TIE1: variants seen among roughly 807,000 people sequenced by gnomAD.
TIE1 encodes the protein tyrosine kinase with immunoglobulin like and EGF like domains 1.
A neutral mutation model predicts 130.5 loss-of-function variants in TIE1; 89 were observed. The observed-to-expected ratio is 0.68, with a 90% CI of 0.57 to 0.81. The LOEUF is 0.81. Ranked by LOEUF, TIE1 falls within the 40% of genes least tolerant of loss-of-function variation. The pLI is 0.00. For missense variants in TIE1, 1,392 were observed against 1,559.8 expected (o/e 0.89, Z 1.81); for synonymous variants, 568 against 629.4 (o/e 0.90, Z 1.46).
chr1:43,306,737 C>A lies in TIE1; in HGVS notation c.485-103C>A. ...GTGGTGCCGGCCCTAGGTCTCATCACTGTGCATGGGGCTCATTGATGTGAG... is the reference window on the plus strand; with the variant it reads ...GTGGTGCCGGCCCTAGGTCTCATCAATGTGCATGGGGCTCATTGATGTGAG... On this transcript the variant is annotated intron_variant, in intron 3 of 22. Coordinates refer to ENST00000372476, the MANE Select transcript of TIE1 (RefSeq NM_005424.5). The surrounding 1 kb of genome is among the most constrained non-coding windows in gnomAD (Gnocchi z 4.9). 7.1e-7 allele frequency: 1 copy of A among 1,412,272 alleles called. No individual in the cohort carries two copies. Among genetic ancestry groups the A allele is most frequent in the Non-Finnish European group, 9.5e-7 (1 of 1,048,202 alleles). 87.5% of individuals were successfully genotyped at this position (1,412,272 alleles called of 1,614,324 possible). A position where few individuals can be genotyped will look rare whatever the true frequency, so the allele number is the denominator to read the frequency against.
rs1646748792 is a variant in TIE1, at chr1:43,308,036, G to C, written c.1042+112G>C. On this transcript the variant is annotated intron_variant, in intron 7 of 22. Coordinates refer to ENST00000372476, the MANE Select transcript of TIE1 (RefSeq NM_005424.5). ...CTTTCCCTACGAGGGTCCAAGTCCT[G>C]CCCTCAGGGAGCTTAGAGTCTGATG... 3.4e-6 allele frequency: 5 copies of C among 1,472,436 alleles called. No individual in the cohort carries two copies. In the East Asian group the frequency reaches 1.2e-4, roughly 35 times the overall value. The allele number at this position is 1,472,436 out of a possible 1,614,324, so 91.2% of individuals were successfully genotyped here. A position where few individuals can be genotyped will look rare whatever the true frequency, so the allele number is the denominator to read the frequency against.
chr1:43,301,138 C>T lies in TIE1; in HGVS notation c.58+9C>T, dbSNP rs1308267563. On this transcript the variant is annotated intron_variant, in intron 1 of 22. Transcript: ENST00000372476. ...CTTGGCTTCTCATGTGGGTAAGTCT[C>T]CCCTGAGTCCCTCACCCCATTTCTA... The T allele has an allele frequency of 1.9e-6, 3 of 1,611,404 alleles. No homozygotes were observed. The highest frequency in any genetic ancestry group is 2.5e-6 in the Non-Finnish European group (3 of 1,178,876).
chr1:43,322,100 G>T lies in TIE1; in HGVS notation c.3345+385G>T, dbSNP rs145106552. Among the ~76,000 whole-genome samples the T allele has an allele frequency of 1.3e-5, 2 of 152,340 alleles. No individual in the cohort carries two copies. The highest frequency in any genetic ancestry group is 3.9e-4 in the East Asian group (2 of 5,188). Reference sequence around the variant, plus strand: ...TAACCAGATGGATGGATGGGTGAATGAGTGATACAGTAACCGTATGAATGA... The same window carrying T: ...TAACCAGATGGATGGATGGGTGAATTAGTGATACAGTAACCGTATGAATGA... On this transcript the variant is annotated intron_variant, in intron 22 of 22. Coordinates refer to ENST00000372476, the MANE Select transcript of TIE1 (RefSeq NM_005424.5). This position sits in a 1 kb window ranked among gnomAD's most constrained non-coding sequence, Gnocchi z 4.0.
At position 43,307,409 on chromosome 1, in the gene TIE1, C is replaced by T; in HGVS notation, c.773-23C>T. 3.1e-6 allele frequency: 5 copies of T among 1,613,720 alleles called. No homozygotes were observed. Among genetic ancestry groups the T allele is most frequent in the Non-Finnish European group, 3.4e-6 (4 of 1,179,862 alleles). ...GCCCAGGGGCCCACAGAGGCCCATACACCCCACACACTCTCTTTCTAGCCT... is the reference window on the plus strand; with the variant it reads ...GCCCAGGGGCCCACAGAGGCCCATATACCCCACACACTCTCTTTCTAGCCT... On this transcript the variant is annotated intron_variant, in intron 5 of 22. Coordinates refer to ENST00000372476, the MANE Select transcript of TIE1 (RefSeq NM_005424.5). The surrounding 1 kb of genome is among the most constrained non-coding windows in gnomAD (Gnocchi z 5.4).
Position 43,319,128 on chromosome 1 carries a change from G to A in TIE1, c.2923-107G>A. ...TTGCAGCCAGGAGGGTAGGAGTATG[G>A]GGTATTGAAGGTAACAAGGGTACCC... On this transcript the variant is annotated intron_variant, in intron 17 of 22. Coordinates refer to ENST00000372476, the MANE Select transcript of TIE1 (RefSeq NM_005424.5). This position sits in a 1 kb window ranked among gnomAD's most constrained non-coding sequence, Gnocchi z 4.7. 1 of 772,072 alleles carries A rather than the reference G, an allele frequency of 1.3e-6. No individual in the cohort carries two copies. The highest frequency in any genetic ancestry group is 1.9e-5 in the Admixed American group (1 of 51,306). 47.8% of individuals were successfully genotyped at this position (772,072 alleles called of 1,614,324 possible). A position where few individuals can be genotyped will look rare whatever the true frequency, so the allele number is the denominator to read the frequency against.
chr1:43,304,286 C>T (rs1027966179), intron 1 of TIE1, among the ~76,000 whole-genome samples: 1 of 152,200 alleles, frequency 6.6e-6, no homozygotes, highest in Non-Finnish European at 1.5e-5. Context: ...CAGCCTCTCC[C>T]ACCTCAAATC....
intron 9 of TIE1, among the ~76,000 whole-genome samples, chr1:43,311,262 C>G (rs1364970247): frequency 6.7e-6 from 1 of 149,668 alleles, no homozygotes; most frequent in African/African-American, 2.5e-5. Flanking sequence ...AAGCGTGTGG[C>G]GGGGAGCAGG....
At chr1:43,310,515 ATTG>A (rs1342413484) in intron 9 of TIE1, among the ~76,000 whole-genome samples, 1 of 152,150 alleles carries the variant, frequency 6.6e-6, no homozygotes, top group African/African-American at 2.4e-5. Flanking sequence ...GTCGATAATT[ATTG>A]TTATTATTTA....
Position 43,312,010 on chromosome 1 carries a change from C to T in TIE1, c.1509C>T (p.Asn503=), listed in dbSNP as rs550712048. The change falls in exon 11 of 23, where the codon AAC becomes AAT. Residue 503 remains asparagine (N), a synonymous_variant. Transcript: ENST00000372476. The surrounding 1 kb of genome is among the most constrained non-coding windows in gnomAD (Gnocchi z 5.6). ...WSTIVVDPSE[N]VTLMNLRPKT... ...CACGCCCAGTGGACCCCAGTGAGAA[C>T]GTGACGTTAATGAACCTGAGGCCAA... The T allele has an allele frequency of 1.5e-5, 24 of 1,596,292 alleles. No individual in the cohort carries two copies. Among genetic ancestry groups the T allele is most frequent in the East Asian group, 2.2e-5 (1 of 44,580 alleles).
In TIE1 at chr1:43,322,718, C is replaced by A; in HGVS notation, c.3413C>A (p.Ala1138Asp). ...GGCATTGATGCCACAGCTGAGGAGG[C>A]CTGAGCTGCCATCCAGCCAGAACGT... Reference protein sequence around the residue: ...YAGIDATAEEA With the variant: ...YAGIDATAEED Residue 1138 changes from alanine (A) to aspartate (D), a missense_variant, in exon 23 of 23, where the codon GCC (alanine) becomes GAC (aspartate). Physicochemically the swap from Ala to Asp is moderately radical, Grantham distance 126. Coordinates refer to ENST00000372476, the MANE Select transcript of TIE1 (RefSeq NM_005424.5). This position sits in a 1 kb window ranked among gnomAD's most constrained non-coding sequence, Gnocchi z 4.0. 3.1e-6 allele frequency: 5 copies of A among 1,613,712 alleles called. No individual in the cohort carries two copies. The highest frequency in any genetic ancestry group is 3.4e-6 in the Non-Finnish European group (4 of 1,179,986).
chr1:43,307,141 G>A lies in TIE1; in HGVS notation c.641-1G>A. The A allele has an allele frequency of 6.2e-7, 1 of 1,614,082 alleles. No individual in the cohort carries two copies. The highest frequency in any genetic ancestry group is 1.1e-5 in the South Asian group (1 of 91,090). On this transcript the variant is annotated splice_acceptor_variant, in intron 4 of 22. Coordinates refer to ENST00000372476, the MANE Select transcript of TIE1 (RefSeq NM_005424.5). LOFTEE classifies it high-confidence loss of function. This position sits in a 1 kb window ranked among gnomAD's most constrained non-coding sequence, Gnocchi z 5.4. ...CAGCTGCTGAAGACACCTTCCTCCAGGTTGTGGGGCTGGGCGCTGGGGGCC... is the reference window on the plus strand; with the variant it reads ...CAGCTGCTGAAGACACCTTCCTCCAAGTTGTGGGGCTGGGCGCTGGGGGCC...
At position 43,307,427 on chromosome 1, in the gene TIE1, T is replaced by C; in HGVS notation, c.773-5T>C. 3.1e-6 allele frequency: 5 copies of C among 1,614,030 alleles called. No individual in the cohort carries two copies. The highest frequency in any genetic ancestry group is 4.2e-6 in the Non-Finnish European group (5 of 1,179,972). On this transcript the variant is annotated splice_region_variant and splice_polypyrimidine_tract_variant and intron_variant, in intron 5 of 22. Coordinates refer to ENST00000372476, the MANE Select transcript of TIE1 (RefSeq NM_005424.5). This position sits in a 1 kb window ranked among gnomAD's most constrained non-coding sequence, Gnocchi z 5.4. ...GCCCATACACCCCACACACTCTCTT[T>C]CTAGCCTGCAGAGAGGGCCGTTTTG...
chr1:43,322,544 G>T lies in TIE1; in HGVS notation c.3346-107G>T. On this transcript the variant is annotated intron_variant, in intron 22 of 22. Coordinates refer to ENST00000372476, the MANE Select transcript of TIE1 (RefSeq NM_005424.5). The surrounding 1 kb of genome is among the most constrained non-coding windows in gnomAD (Gnocchi z 4.0). Reference sequence around the variant, plus strand: ...GCCATGGGGCCATCTTAGGTCTCCAGAACAAATCAGTGTCAGTTCAAATGC... The same window carrying T: ...GCCATGGGGCCATCTTAGGTCTCCATAACAAATCAGTGTCAGTTCAAATGC... 2 of 843,492 alleles carry T rather than the reference G, an allele frequency of 2.4e-6. No homozygotes were observed. Among genetic ancestry groups the T allele is most frequent in the South Asian group, 3.1e-5 (2 of 65,150 alleles). 52.3% of individuals were successfully genotyped at this position (843,492 alleles called of 1,614,324 possible). A position where few individuals can be genotyped will look rare whatever the true frequency, so the allele number is the denominator to read the frequency against.
rs1340353928 is a variant in TIE1 at position 43,311,728 on chromosome 1, T to C, written c.1391T>C (p.Val464Ala). Residue 464 changes from valine (V) to alanine (A), a missense_variant, in exon 10 of 23, where the codon GTG becomes GCG. Around this residue, in one of 6 missense-constraint regions of TIE1, gnomAD observed 551 missense variants for 565.5 expected, o/e 0.97. Coordinates refer to ENST00000372476, the MANE Select transcript of TIE1 (RefSeq NM_005424.5). ...CTGACCAAGCAGAGCCGCCAGCTTG[T>C]GGTCTCCCCGCTGGTCTCGTTCTCT... is the stretch of plus-strand genomic sequence containing the variant. ...RLLTKQSRQL[V>A]VSPLVSFSGD... 5 of 1,613,988 alleles carry C rather than the reference T, an allele frequency of 3.1e-6. No individual in the cohort carries two copies. The highest frequency in any genetic ancestry group is 4.2e-6 in the Non-Finnish European group (5 of 1,180,018).
In TIE1 at chr1:43,316,425, T is replaced by C. The variant is rs1646859220; in HGVS notation, c.2410-774T>C. Among the ~76,000 whole-genome samples, 1 of 152,236 alleles carries C rather than the reference T, an allele frequency of 6.6e-6. No homozygotes were observed. The highest frequency in any genetic ancestry group is 2.1e-4 in the South Asian group (1 of 4,836). Reference sequence around the variant, plus strand: ...CCCACCAGAAGGTCTGTCTTAACCCTGCTTCCAGTTCTCATATTGGCAGTT... The same window carrying C: ...CCCACCAGAAGGTCTGTCTTAACCCCGCTTCCAGTTCTCATATTGGCAGTT... On this transcript the variant is annotated intron_variant, in intron 14 of 22. Transcript: ENST00000372476. This position sits in a 1 kb window ranked among gnomAD's most constrained non-coding sequence, Gnocchi z 4.4.
At position 43,306,532 on chromosome 1, in the gene TIE1, G is replaced by A. The variant is rs1646729831; in HGVS notation, c.485-308G>A. ...AGAAAGGGTGACACTGGAGGCAGAGGAGCCTTGTGAGGCCCCTGGAGGCTA... is the reference window on the plus strand; with the variant it reads ...AGAAAGGGTGACACTGGAGGCAGAGAAGCCTTGTGAGGCCCCTGGAGGCTA... On this transcript the variant is annotated intron_variant, in intron 3 of 22. Transcript: ENST00000372476. This position sits in a 1 kb window ranked among gnomAD's most constrained non-coding sequence, Gnocchi z 4.9. 6.6e-6 allele frequency among the ~76,000 whole-genome samples: 1 copy of A among 152,150 alleles called. No homozygotes were observed. The highest frequency in any genetic ancestry group is 2.4e-5 in the African/African-American group (1 of 41,428).
Position 43,301,102 on chromosome 1 carries a change from C to T in TIE1, c.31C>T (p.Pro11Ser). Residue 11 changes from proline (P) to serine (S), a missense_variant, in exon 1 of 23, where the codon CCC becomes TCC. Transcript: ENST00000372476. MVWRVPPFLL[P>S]ILFLASHVGA... is the part of the protein sequence containing the mutation. ...CTGGCGGGTGCCCCCTTTCTTGCTCCCCATCCTCTTCTTGGCTTCTCATGT... is the reference window on the plus strand; with the variant it reads ...CTGGCGGGTGCCCCCTTTCTTGCTCTCCATCCTCTTCTTGGCTTCTCATGT... 1 of 1,613,886 alleles carries T rather than the reference C, an allele frequency of 6.2e-7. No individual in the cohort carries two copies. The highest frequency in any genetic ancestry group is 1.1e-5 in the South Asian group (1 of 91,008).
At position 43,319,457 on chromosome 1, in the gene TIE1, A is replaced by G; in HGVS notation, c.3037-2A>G. 6.2e-7 allele frequency: 1 copy of G among 1,614,064 alleles called. No individual in the cohort carries two copies. Among genetic ancestry groups the G allele is most frequent in the South Asian group, 1.1e-5 (1 of 91,074 alleles). ...CAGCCCCTCAAACCCATTCTCTCCT[A>G]GGGGCGTCTCCCTGTGCGCTGGATG... On this transcript the variant is annotated splice_acceptor_variant, in intron 18 of 22. Coordinates refer to ENST00000372476, the MANE Select transcript of TIE1 (RefSeq NM_005424.5). LOFTEE classifies it high-confidence loss of function. This position sits in a 1 kb window ranked among gnomAD's most constrained non-coding sequence, Gnocchi z 4.7.
In TIE1 at chr1:43,313,607, A is replaced by G. The variant is rs540617165; in HGVS notation, c.2219-171A>G. ...ATGATCCACTGTCCCAGGGCTGGGA[A>G]AATCATGTCGCCCCTCTGACACCCC... On this transcript the variant is annotated intron_variant, in intron 13 of 22. Transcript: ENST00000372476. The surrounding 1 kb of genome is among the most constrained non-coding windows in gnomAD (Gnocchi z 6.2). 1 of 1,063,466 alleles carries G rather than the reference A, an allele frequency of 9.4e-7. No individual in the cohort carries two copies. The highest frequency in any genetic ancestry group is 2.6e-5 in the East Asian group (1 of 38,446). The allele number at this position is 1,063,466 out of a possible 1,614,324, so 65.9% of individuals were successfully genotyped here.
Sources: allele counts gnomAD v4.1 joint callset (sites outside exome capture counted in the v4.1 genomes callset), GRCh38; gene constraint gnomAD v4.1.1; regional missense constraint gnomAD v4.1.1; non-coding constraint Gnocchi (gnomAD v3.1); transcripts MANE v1.5; gene names NCBI Gene and HGNC (gene_info 2026-07-23, HGNC 2026-07-21).